The following EPHB1 variants were observed in gnomAD, a reference collection of about 807,000 sequenced individuals.
EPHB1 encodes ephrin type-B receptor 1.
EPHB1 carries 30 observed loss-of-function variants against 94.4 expected under a neutral mutation model. The ratio of observed to expected loss-of-function variants is 0.32; its 90% CI spans 0.24 to 0.43. The LOEUF (loss-of-function observed/expected upper bound fraction) is 0.43. Ranked by LOEUF, EPHB1 falls within the 20% of genes least tolerant of loss-of-function variation. The pLI, the probability that EPHB1 is intolerant of heterozygous loss-of-function variation, is 1.00. For synonymous variants in EPHB1, 522 were observed against 489.1 expected, an observed-to-expected ratio of 1.07 and a Z score of -0.89; for missense variants, 1,055 against 1,308.3, an observed-to-expected ratio of 0.81 and a Z score of 2.99.
At chr3:134,918,335 G>T (rs532277862) in intron 1 of EPHB1, among the ~76,000 whole-genome samples, 10 of 152,290 alleles carry the variant, frequency 6.6e-5, no homozygotes, top group East Asian at 5.8e-4. Flanking sequence ...AGATCAATTT[G>T]GAAGAGGTGG....
intron 3 of EPHB1, among the ~76,000 whole-genome samples, chr3:135,024,262 C>G (rs1252572482): frequency 6.6e-6 from 1 of 152,194 alleles, no homozygotes; most frequent in Non-Finnish European, 1.5e-5. Flanking sequence ...TGCCCAACTT[C>G]ATCTCAAGAG....
chr3:135,238,271 A>C (rs995875710), intron 12 of EPHB1, among the ~76,000 whole-genome samples: 13 of 152,128 alleles, frequency 8.5e-5, no homozygotes, highest in Non-Finnish European at 1.9e-4. Flanking sequence ...TCAGCTGAGC[A>C]GGAGAGCCTG....
chr3:134,979,949 A>C (rs578024791), intron 3 of EPHB1, among the ~76,000 whole-genome samples: 20 of 152,320 alleles, frequency 1.3e-4, no homozygotes, highest in African/African-American at 4.6e-4. Flanking sequence ...CCAAATGCAA[A>C]AGTCATTTGG....
rs1559896587 is a variant in EPHB1 at position 135,259,169 on chromosome 3, A to AG, written c.*54dup. On this transcript the variant is annotated 3_prime_UTR_variant, in exon 16 of 16. Coordinates refer to ENST00000398015, the MANE Select transcript of EPHB1 (RefSeq NM_004441.5). ...AGAGGAGGGAAAAGGACCAGGGTCA[A>AG]GGGGGACCAGAGGTTGACCACTGTG... The AG allele has an allele frequency of 6.9e-7, 1 of 1,451,848 alleles. No homozygotes were observed. The highest frequency in any genetic ancestry group is 9.5e-7 in the Non-Finnish European group (1 of 1,052,282). 89.9% of individuals were successfully genotyped at this position (1,451,848 alleles called of 1,614,324 possible). A position where few individuals can be genotyped will look rare whatever the true frequency, so the allele number is the denominator to read the frequency against.
At chr3:134,899,229 C>T (rs1244825512) in intron 1 of EPHB1, among the ~76,000 whole-genome samples, 1 of 152,140 alleles carries the variant, frequency 6.6e-6, no homozygotes, top group East Asian at 1.9e-4. Flanking sequence ...AGTTCATCAT[C>T]ATCATCATCT....
intron 1 of EPHB1, among the ~76,000 whole-genome samples, chr3:134,845,934 A>C (rs1023095662): frequency 1.3e-5 from 2 of 151,838 alleles, no homozygotes; most frequent in Non-Finnish European, 2.9e-5. Flanking sequence ...GCTTACACAC[A>C]CAGACACATG....
intron 12 of EPHB1, among the ~76,000 whole-genome samples, chr3:135,225,508 G>A (rs1221614500): frequency 1.3e-5 from 2 of 152,314 alleles, no homozygotes; most frequent in Admixed American, 6.5e-5. Context: ...AATTGTTTGC[G>A]AGGCTCGCAG....
chr3:134,879,379 G>A (rs2037681787), intron 1 of EPHB1, among the ~76,000 whole-genome samples: 1 of 152,200 alleles, frequency 6.6e-6, no homozygotes, highest in Non-Finnish European at 1.5e-5. Context: ...GCTCATGCTT[G>A]TAATCCTAGC....
chr3:135,203,257 G>A (rs999343995), intron 12 of EPHB1, among the ~76,000 whole-genome samples: 2 of 152,154 alleles, frequency 1.3e-5, no homozygotes, highest in Admixed American at 1.3e-4. Flanking sequence ...CAGATGAGGA[G>A]CAAGGGGAGG....
At chr3:135,037,991 C>A (rs1449217509) in intron 3 of EPHB1, among the ~76,000 whole-genome samples, 1 of 152,184 alleles carries the variant, frequency 6.6e-6, no homozygotes, top group Non-Finnish European at 1.5e-5. Context: ...ACCAGATCTC[C>A]CAACCTAAGA....
intron 14 of EPHB1, 101 bp downstream of exon 14, chr3:135,248,610 G>A: frequency 8.1e-7 from 1 of 1,239,224 alleles, no homozygotes; most frequent in South Asian, 1.6e-5. Context: ...TTTTTAAAGA[G>A]TATCTAGTTG....
chr3:135,258,908 GT>G lies in EPHB1; in HGVS notation c.2847-103del, dbSNP rs142130932. On this transcript the variant is annotated intron_variant, in intron 15 of 15. Transcript: ENST00000398015. Reference sequence around the variant, plus strand: ...GTAAACTTAAGCTAGTTGGATTTTTGTAGCATGGCTACTTCCCAAGAACATG... The same window carrying G: ...GTAAACTTAAGCTAGTTGGATTTTTGAGCATGGCTACTTCCCAAGAACATG... The G allele has an allele frequency of 5.4e-3, 5,473 of 1,014,652 alleles. 174 individuals are homozygous for G. The African/African-American group carries it at 0.072, about 13-fold the overall frequency. The allele number at this position is 1,014,652 out of a possible 1,614,324, so 62.9% of individuals were successfully genotyped here.
intron 3 of EPHB1, among the ~76,000 whole-genome samples, chr3:135,038,233 C>T (rs1255993338): frequency 6.6e-6 from 1 of 152,204 alleles, no homozygotes; most frequent in Non-Finnish European, 1.5e-5. Context: ...TTCTTTGACA[C>T]ATATCCAAAG....
intron 1 of EPHB1, among the ~76,000 whole-genome samples, chr3:134,806,872 A>AT (rs1451942997): frequency 1.3e-5 from 2 of 152,226 alleles, no homozygotes; most frequent in African/African-American, 4.8e-5. Context: ...GGAAAGGGCT[A>AT]TAAAGGGAGT....
chr3:135,257,644 G>A (rs981655907), intron 15 of EPHB1, among the ~76,000 whole-genome samples: 6 of 151,098 alleles, frequency 4.0e-5, no homozygotes, highest in Admixed American at 4.0e-4. Context: ...GGACATTTAA[G>A]TCTGCAGAGG....
At chr3:135,102,381 A>G (rs1209451984) in intron 3 of EPHB1, among the ~76,000 whole-genome samples, 1 of 152,164 alleles carries the variant, frequency 6.6e-6, no homozygotes, top group African/African-American at 2.4e-5. Context: ...AGCCACCCAG[A>G]AGCTTTATTT....
chr3:134,995,755 CAT>C (rs1268892729), intron 3 of EPHB1, among the ~76,000 whole-genome samples: 2 of 148,358 alleles, frequency 1.3e-5, no homozygotes, highest in South Asian at 2.1e-4. Flanking sequence ...CAAACCTAAA[CAT>C]GTGCATATCA....
intron 11 of EPHB1, among the ~76,000 whole-genome samples, chr3:135,194,191 G>A (rs982662803): frequency 6.6e-6 from 1 of 152,160 alleles, no homozygotes; most frequent in Non-Finnish European, 1.5e-5. Flanking sequence ...TTGATGAAGG[G>A]ACATCAACTC....
At chr3:134,862,603 A>G (rs532134206) in intron 1 of EPHB1, among the ~76,000 whole-genome samples, 1 of 152,294 alleles carries the variant, frequency 6.6e-6, no homozygotes, top group South Asian at 2.1e-4. Context: ...AGCACTGATT[A>G]AAGTGCTCCT....
Sources: allele counts gnomAD v4.1 joint callset (sites outside exome capture counted in the v4.1 genomes callset), GRCh38; gene constraint gnomAD v4.1.1; transcripts MANE v1.5; gene names NCBI Gene and HGNC (gene_info 2026-07-23, HGNC 2026-07-21).